RAP2C: variants seen among roughly 807,000 people sequenced by gnomAD.
RAP2C encodes RAP2C, member of RAS oncogene family.
In RAP2C, 3 loss-of-function variants were observed where a neutral mutation model predicts 8.9. The ratio of observed to expected loss-of-function variants is 0.34; its 90% CI spans 0.15 to 0.87. The LOEUF (loss-of-function observed/expected upper bound fraction) is 0.87. Among genes scored for constraint, RAP2C ranks in the 40% least tolerant of loss-of-function variants. The pLI is 0.51. For missense variants in RAP2C, 76 were observed against 133.7 expected (o/e 0.57, Z 2.13); for synonymous variants, 60 against 52.1 (o/e 1.15, Z -0.65).
rs1930645477 is a variant in RAP2C at position 132,217,423 on chromosome X, A to G, written c.-155T>C. ...CCCAACCGGGGAAGAAGAGGAAGTTACAGGAGGGGGAGGGGAAAGAGCGTA... is the reference window on the plus strand; with the variant it reads ...CCCAACCGGGGAAGAAGAGGAAGTTGCAGGAGGGGGAGGGGAAAGAGCGTA... On this transcript the variant is annotated 5_prime_UTR_variant, in exon 4 of 6. Coordinates refer to ENST00000370874, the MANE Select transcript of RAP2C (RefSeq NM_001271186.2). 6.6e-6 allele frequency: 2 copies of G among 305,293 alleles called. No homozygotes were observed. Among genetic ancestry groups the G allele is most frequent in the Admixed American group, 9.8e-5 (2 of 20,306 alleles). 25.2% of individuals were successfully genotyped at this position (305,293 alleles called of 1,213,427 possible).
chrX:132,205,508 G>A lies in RAP2C; in HGVS notation c.*114C>T, dbSNP rs1233001276. On this transcript the variant is annotated 3_prime_UTR_variant, in exon 6 of 6. Transcript: ENST00000370874. ...TGGCAACATGCTGTAATAGAGACAG[G>A]TTTACCAAGGCTCAGTTCTGCAACC... is the stretch of plus-strand genomic sequence containing the variant. 1.8e-5 allele frequency: 2 copies of A among 111,591 alleles called. No homozygotes were observed. The highest frequency in any genetic ancestry group is 3.8e-5 in the Non-Finnish European group (2 of 53,054). 9.2% of individuals were successfully genotyped at this position (111,591 alleles called of 1,213,427 possible).
At chrX:132,214,112 T>C in intron 5 of RAP2C, 22 bp downstream of exon 5, 1 of 1,144,406 alleles carries the variant, frequency 8.7e-7, no homozygotes, top group Non-Finnish European at 1.2e-6. Flanking sequence ...ACCTGATTCA[T>C]ACAGTTCCAT....
Position 132,217,298 on chromosome X carries a change from G to A in RAP2C, c.-30C>T, listed in dbSNP as rs764417029. ...CTCACCTTCACCAACTCCTACCAGA[G>A]GGGGGGAAAGATCACCCCGCTAGCT... is the stretch of plus-strand genomic sequence containing the variant. On this transcript the variant is annotated 5_prime_UTR_variant, in exon 4 of 6. Transcript: ENST00000370874. The A allele has an allele frequency of 1.4e-5, 15 of 1,053,909 alleles. No individual in the cohort carries two copies. The highest frequency in any genetic ancestry group is 1.2e-6 in the Non-Finnish European group (1 of 811,843). 86.9% of individuals were successfully genotyped at this position (1,053,909 alleles called of 1,213,427 possible).
At chrX:132,212,724 G>A (rs1569363515) in intron 5 of RAP2C, among the ~76,000 whole-genome samples, 2 of 111,957 alleles carry the variant, frequency 1.8e-5, no homozygotes, top group Non-Finnish European at 3.8e-5. Context: ...ACAATTTAAG[G>A]AGAGAGATTA....
chrX:132,208,004 CAA>C (rs58571332), intron 5 of RAP2C, among the ~76,000 whole-genome samples: 28 of 103,060 alleles, frequency 2.7e-4, no homozygotes, highest in African/African-American at 9.0e-4. Flanking sequence ...TAGGAAAGTA[CAA>C]AAAAAAAACC....
At chrX:132,219,267 A>G (rs1930785152) in intron 1 of RAP2C, 103 bp downstream of exon 1, 1 of 112,243 alleles carries the variant, frequency 8.9e-6, no homozygotes. Flanking sequence ...CTCTATAAAG[A>G]GATTTATTAC....
intron 5 of RAP2C, among the ~76,000 whole-genome samples, chrX:132,213,909 T>A (rs1408902109): frequency 8.9e-6 from 1 of 112,186 alleles, no homozygotes; most frequent in Non-Finnish European, 1.9e-5. Flanking sequence ...TCACTTAAAA[T>A]CCTGGTGATG....
At chrX:132,215,535 C>T (rs1216097592) in intron 4 of RAP2C, among the ~76,000 whole-genome samples, 1 of 111,748 alleles carries the variant, frequency 8.9e-6, no homozygotes, top group Non-Finnish European at 1.9e-5. Flanking sequence ...AACATAAGTT[C>T]AGCTGAAAAT....
rs1930166216 is a variant in RAP2C, at chrX:132,203,132, CA to C, written c.*2489del. 1 of 111,670 alleles carries C rather than the reference CA, an allele frequency of 9.0e-6. No homozygotes were observed. The highest frequency in any genetic ancestry group is 2.8e-4 in the East Asian group (1 of 3,576). 9.2% of individuals were successfully genotyped at this position (111,670 alleles called of 1,213,427 possible). ...ATCTATTGGAAAAATTTTACTTTTACAAATCTTTATAGGTAATTGTTCAATG... is the reference window on the plus strand; with the variant it reads ...ATCTATTGGAAAAATTTTACTTTTACAATCTTTATAGGTAATTGTTCAATG... On this transcript the variant is annotated 3_prime_UTR_variant, in exon 6 of 6. Coordinates refer to ENST00000370874, the MANE Select transcript of RAP2C (RefSeq NM_001271186.2).
At position 132,217,298 on chromosome X, in the gene RAP2C, G is replaced by C. The variant is rs764417029; in HGVS notation, c.-30C>G. 9 of 1,053,910 alleles carry C rather than the reference G, an allele frequency of 8.5e-6. No homozygotes were observed. The highest frequency in any genetic ancestry group is 3.9e-5 in the African/African-American group (2 of 51,611). 86.9% of individuals were successfully genotyped at this position (1,053,910 alleles called of 1,213,427 possible). ...CTCACCTTCACCAACTCCTACCAGAGGGGGGGAAAGATCACCCCGCTAGCT... is the reference window on the plus strand; with the variant it reads ...CTCACCTTCACCAACTCCTACCAGACGGGGGGAAAGATCACCCCGCTAGCT... On this transcript the variant is annotated 5_prime_UTR_variant, in exon 4 of 6. Transcript: ENST00000370874.
chrX:132,218,232 C>G lies in RAP2C; in HGVS notation c.-636G>C, dbSNP rs1489273581. The stretch of plus-strand genomic sequence containing the variant: ...TCACTTCCGGTGGGGAAAGTCCCAC[C>G]TCTTCGGGGCGAGCCGGGTGGCGCT... On this transcript the variant is annotated splice_region_variant and 5_prime_UTR_variant, in exon 2 of 6. Transcript: ENST00000370874. 1 of 107,877 alleles carries G rather than the reference C, an allele frequency of 9.3e-6. No individual in the cohort carries two copies. Among genetic ancestry groups the G allele is most frequent in the Admixed American group, 9.7e-5 (1 of 10,301 alleles). 8.9% of individuals were successfully genotyped at this position (107,877 alleles called of 1,213,427 possible).
At chrX:132,215,275 T>C (rs1165918759) in intron 4 of RAP2C, among the ~76,000 whole-genome samples, 1 of 111,395 alleles carries the variant, frequency 9.0e-6, no homozygotes, top group African/African-American at 3.3e-5. Flanking sequence ...TAATACAATA[T>C]TATAGACTTA....
rs58119368 is a variant in RAP2C, at chrX:132,204,980, CAAAAAAA to C, written c.*635_*641del. On this transcript the variant is annotated 3_prime_UTR_variant, in exon 6 of 6. Coordinates refer to ENST00000370874, the MANE Select transcript of RAP2C (RefSeq NM_001271186.2). ...TGTAACCTTCAGAACATGTTAATTA[CAAAAAAA>C]AAAAAAAAAAAACAAAACACATCAC... is the stretch of plus-strand genomic sequence containing the variant. The C allele has an allele frequency of 3.9e-5, 2 of 51,680 alleles. No homozygotes were observed. The highest frequency in any genetic ancestry group is 1.4e-4 in the African/African-American group (2 of 14,144). The allele number at this position is 51,680 out of a possible 1,213,427, so 4.3% of individuals were successfully genotyped here. A position where few individuals can be genotyped will look rare whatever the true frequency, so the allele number is the denominator to read the frequency against.
chrX:132,218,900 A>G (rs1426244702), intron 1 of RAP2C: 1 of 112,675 alleles, frequency 8.9e-6, no homozygotes, highest in African/African-American at 3.2e-5. Context: ...AATTTATTTT[A>G]ATCGTTGATT....
chrX:132,213,749 C>G (rs1429831586), intron 5 of RAP2C, among the ~76,000 whole-genome samples: 1 of 111,863 alleles, frequency 8.9e-6, no homozygotes, highest in African/African-American at 3.3e-5. Context: ...CATAAAAGTA[C>G]AGAAAATACC....
At chrX:132,218,510 A>G (rs915328582) in intron 1 of RAP2C, 169 bp from the exon 2 acceptor site, 2 of 111,609 alleles carry the variant, frequency 1.8e-5, no homozygotes, top group Admixed American at 1.9e-4. Flanking sequence ...GGAGAACGCC[A>G]AACATCCCTG....
intron 4 of RAP2C, among the ~76,000 whole-genome samples, chrX:132,215,200 AAAGAT>A (rs1930542073): frequency 9.0e-6 from 1 of 110,826 alleles, no homozygotes; most frequent in African/African-American, 3.3e-5. Flanking sequence ...ACGAATTACA[AAAGAT>A]AAGAGCGTTA....
chrX:132,211,804 T>G (rs779237027), intron 5 of RAP2C, among the ~76,000 whole-genome samples: 2 of 112,155 alleles, frequency 1.8e-5, no homozygotes, highest in South Asian at 7.3e-4. Flanking sequence ...GACAAGGTAC[T>G]CTTCTAAATA....
chrX:132,209,356 C>G (rs910718128), intron 5 of RAP2C, among the ~76,000 whole-genome samples: 3 of 111,914 alleles, frequency 2.7e-5, no homozygotes, highest in African/African-American at 9.7e-5. Context: ...CAGTGTGAGC[C>G]CAATGATACA....
Sources: gnomAD v4.1 joint callset for allele counts (sites outside exome capture counted in the v4.1 genomes callset) on GRCh38, gnomAD v4.1.1 for gene constraint, MANE v1.5 for transcripts, NCBI Gene and HGNC (gene_info 2026-07-23, HGNC 2026-07-21) for gene names.